IFRD1: variants seen among roughly 807,000 people sequenced by gnomAD.
IFRD1 encodes the protein interferon related developmental regulator 1.
Under a neutral mutation model 52.9 loss-of-function variants are expected in IFRD1, and 35 were observed. That is an observed-to-expected ratio of 0.66 (90% confidence interval 0.51 to 0.88). The LOEUF (loss-of-function observed/expected upper bound fraction) is 0.88, where lower values mean the gene tolerates loss of function less well. IFRD1 is among the 40% of genes least tolerant of loss of function. IFRD1 has a pLI of 0.00. For synonymous variants in IFRD1, 184 were observed against 188.4 expected, an observed-to-expected ratio of 0.98 and a Z score of 0.19; for missense variants, 517 against 550.8, an observed-to-expected ratio of 0.94 and a Z score of 0.61.
intron 1 of IFRD1, among the ~76,000 whole-genome samples, chr7:112,433,077 T>A (rs959664010): frequency 3.9e-5 from 6 of 152,210 alleles, no homozygotes; most frequent in African/African-American, 1.4e-4. Context: ...GTGTGGATCA[T>A]AGAATCAACT....
intron 1 of IFRD1, among the ~76,000 whole-genome samples, chr7:112,453,866 G>A (rs1363057681): frequency 6.6e-6 from 1 of 151,062 alleles, no homozygotes; most frequent in African/African-American, 2.4e-5. Context: ...AGACAACTCC[G>A]TTAAAAAAAA....
intron 1 of IFRD1, among the ~76,000 whole-genome samples, chr7:112,432,045 C>T (rs1257953683): frequency 4.6e-5 from 7 of 152,208 alleles, no homozygotes; most frequent in African/African-American, 1.2e-4. Flanking sequence ...TATTAGTCAT[C>T]AGGCCAGCCA....
In IFRD1 at chr7:112,455,761, A is replaced by T; in HGVS notation, c.95-2A>T. 1 of 1,593,730 alleles carries T rather than the reference A, an allele frequency of 6.3e-7. No homozygotes were observed. The highest frequency in any genetic ancestry group is 8.6e-7 in the Non-Finnish European group (1 of 1,161,576). On this transcript the variant is annotated splice_acceptor_variant, in intron 1 of 11. Coordinates refer to ENST00000403825, the MANE Select transcript of IFRD1 (RefSeq NM_001550.4). LOFTEE classifies it high-confidence loss of function. ...TTACCTCTTTCCTCTTTTACCTAAT[A>T]GGTGGCCAGCATCGAAATGTTCAGC...
In IFRD1 at chr7:112,462,278, A is replaced by G; in HGVS notation, c.806A>G (p.His269Arg). Residue 269 changes from histidine (H) to arginine (R), a missense_variant, in exon 8 of 12, where the codon CAT (histidine) becomes CGT (arginine). Coordinates refer to ENST00000403825, the MANE Select transcript of IFRD1 (RefSeq NM_001550.4). ...GACTAACTATTTTTTAGGCATTTCC[A>G]TAAGCTTCCAAGCCTCCTCTCTTGT... is the stretch of plus-strand genomic sequence containing the variant. ...EVKKKLEMHF[H>R]KLPSLLSCDD... is the part of the protein sequence containing the mutation. 6.2e-7 allele frequency: 1 copy of G among 1,613,486 alleles called. No homozygotes were observed. Among genetic ancestry groups the G allele is most frequent in the Non-Finnish European group, 8.5e-7 (1 of 1,179,536 alleles).
At chr7:112,450,992 G>A in intron 1 of IFRD1, 1 of 593,128 alleles carries the variant, frequency 1.7e-6, no homozygotes, top group East Asian at 2.8e-5. Flanking sequence ...CGGACTCTTG[G>A]GCACCGGCCG....
At chr7:112,434,675 G>A (rs1247497125) in intron 1 of IFRD1, among the ~76,000 whole-genome samples, 1 of 151,764 alleles carries the variant, frequency 6.6e-6, no homozygotes, top group Non-Finnish European at 1.5e-5. Context: ...TTATAATATG[G>A]GATAAAATTA....
At chr7:112,456,178 A>G in intron 3 of IFRD1, 92 bp downstream of exon 3, 1 of 790,976 alleles carries the variant, frequency 1.3e-6, no homozygotes, top group Non-Finnish European at 2.3e-6. Flanking sequence ...GATTCTAATC[A>G]GTTACCTTAC....
exon 1 of IFRD1, chr7:112,423,281 C>G (rs762044850): frequency 6.6e-6 from 1 of 152,202 alleles, no homozygotes; most frequent in Non-Finnish European, 1.5e-5. Context: ...GAGCCAACAG[C>G]CTGAACTGGT....
At chr7:112,440,658 C>T (rs751551867) in intron 1 of IFRD1, among the ~76,000 whole-genome samples, 9 of 152,136 alleles carry the variant, frequency 5.9e-5, no homozygotes, top group East Asian at 5.8e-4. Flanking sequence ...TTCCTACTGC[C>T]TTTCATCTGA....
intron 1 of IFRD1, among the ~76,000 whole-genome samples, chr7:112,443,541 A>T (rs1040309595): frequency 6.6e-6 from 1 of 151,868 alleles, no homozygotes; most frequent in Non-Finnish European, 1.5e-5. Context: ...ACTGTACTCC[A>T]GCCTGGATGA....
intron 5 of IFRD1, among the ~76,000 whole-genome samples, chr7:112,460,586 A>C (rs1331333105): frequency 6.6e-6 from 1 of 152,122 alleles, no homozygotes; most frequent in African/African-American, 2.4e-5. Flanking sequence ...GAGTCATCAA[A>C]AGGAACGATG....
chr7:112,442,245 G>T (rs1048572028), intron 1 of IFRD1, among the ~76,000 whole-genome samples: 1 of 152,304 alleles, frequency 6.6e-6, no homozygotes, highest in African/African-American at 2.4e-5. Context: ...CTGGGGCTTA[G>T]TAAATTTCTC....
chr7:112,474,569 T>C (rs1199052199), intron 11 of IFRD1, among the ~76,000 whole-genome samples: 2 of 152,208 alleles, frequency 1.3e-5, no homozygotes, highest in Admixed American at 6.5e-5. Flanking sequence ...TACTTCTCTC[T>C]TTTGAATAAT....
In IFRD1 at chr7:112,477,184, T is replaced by TAG. The variant is rs1157337638; in HGVS notation, c.*1666_*1667insGA. The TAG allele has an allele frequency of 6.6e-6, 1 of 152,218 alleles. No individual in the cohort carries two copies. The highest frequency in any genetic ancestry group is 2.4e-5 in the African/African-American group (1 of 41,458). The allele number at this position is 152,218 out of a possible 1,614,324, so 9.4% of individuals were successfully genotyped here. ...TTATAAATAAATAATGAATTTTTAT[T>TAG]AAAGTGTTGTATGAACATAGGTTTT... On this transcript the variant is annotated 3_prime_UTR_variant, in exon 12 of 12. Transcript: ENST00000403825.
intron 1 of IFRD1, among the ~76,000 whole-genome samples, chr7:112,445,356 C>G (rs1166495959): frequency 2.0e-5 from 3 of 152,000 alleles, no homozygotes; most frequent in Non-Finnish European, 4.4e-5. Flanking sequence ...GTGAGTTACC[C>G]CGCCCGGCCG....
At chr7:112,468,176 C>T (rs1795663295) in intron 9 of IFRD1, 61 bp downstream of exon 9, 5 of 1,523,640 alleles carry the variant, frequency 3.3e-6, no homozygotes, top group Middle Eastern at 3.4e-4. Flanking sequence ...TCAGGCTGAA[C>T]TTGACAATTG....
At chr7:112,461,976 C>G (rs1360819757) in intron 6 of IFRD1, 25 bp from the exon 7 acceptor site, 3 of 1,603,944 alleles carry the variant, frequency 1.9e-6, no homozygotes, top group Admixed American at 1.7e-5. Flanking sequence ...AGATGGTTAT[C>G]TTACTTCATA....
At chr7:112,450,876 G>A in intron 1 of IFRD1, 94 bp downstream of exon 1, 1 of 867,104 alleles carries the variant, frequency 1.2e-6, no homozygotes, top group South Asian at 1.4e-5. Flanking sequence ...TTCTTTCTCT[G>A]ATGTACACAT....
intron 5 of IFRD1, 140 bp downstream of exon 5, chr7:112,459,158 G>A (rs1252240113): frequency 1.5e-5 from 11 of 729,892 alleles, no homozygotes; most frequent in Admixed American, 6.1e-5. Flanking sequence ...AGGCAGCGGT[G>A]AGCTATAATC....
Sources: gnomAD v4.1 joint callset for allele counts (sites outside exome capture counted in the v4.1 genomes callset) on GRCh38, gnomAD v4.1.1 for gene constraint, MANE v1.5 for transcripts, NCBI Gene and HGNC (gene_info 2026-07-23, HGNC 2026-07-21) for gene names.